Variants in ZNF41 observed in about 807,000 individuals in gnomAD.
The protein encoded by ZNF41 is zinc finger protein 41.
Under a neutral mutation model 9.3 loss-of-function variants are expected in ZNF41, and 6 were observed. The observed-to-expected ratio is 0.65, with a 90% CI of 0.35 to 1.28. The LOEUF is 1.28. ZNF41 is among the 50% of genes most tolerant of loss of function. The pLI is 0.03. For missense variants in ZNF41, 523 were observed against 585.8 expected, an observed-to-expected ratio of 0.89 and a Z score of 1.11; for synonymous variants, 192 against 207.1, an observed-to-expected ratio of 0.93 and a Z score of 0.63.
intron 4 of ZNF41, among the ~76,000 whole-genome samples, chrX:47,452,720 G>A (rs1167622694): frequency 8.9e-6 from 1 of 112,385 alleles, no homozygotes; most frequent in Admixed American, 9.4e-5. Context: ...AGCCACCTGA[G>A]TAACTGGATT....
chrX:47,447,759 C>T lies in ZNF41; in HGVS notation c.2011G>A (p.Ala671Thr), dbSNP rs1330886879. 2 of 1,211,662 alleles carry T rather than the reference C, an allele frequency of 1.7e-6. No individual in the cohort carries two copies. The highest frequency in any genetic ancestry group is 1.8e-5 in the South Asian group (1 of 57,003). Residue 671 changes from alanine to threonine, a missense_variant, in exon 5 of 5, where the codon GCC becomes ACC. Coordinates refer to ENST00000684689, the MANE Select transcript of ZNF41 (RefSeq NM_001324144.2). ...ATGAGATTTGATCGGTCAGTGAAGG[C>T]CTTTCCACATTCAGCACATATATTG... ...KPNICAECGK[A>T]FTDRSNLITH...
chrX:47,473,206 G>A (rs2057244402), intron 1 of ZNF41, among the ~76,000 whole-genome samples: 1 of 111,050 alleles, frequency 9.0e-6, no homozygotes, highest in Non-Finnish European at 1.9e-5. Flanking sequence ...ATGACTTCTT[G>A]AGAGCTAGTA....
chrX:47,461,636 C>T (rs1602907899), intron 2 of ZNF41, among the ~76,000 whole-genome samples: 1 of 110,466 alleles, frequency 9.1e-6, no homozygotes, highest in East Asian at 2.9e-4. Flanking sequence ...TCTAGAATTC[C>T]TGGCCTCAAG....
At position 47,448,202 on chromosome X, in the gene ZNF41, T is replaced by C. The variant is rs1217592875; in HGVS notation, c.1568A>G (p.Tyr523Cys). The C allele has an allele frequency of 8.3e-7, 1 of 1,209,984 alleles. No homozygotes were observed. The highest frequency in any genetic ancestry group is 3.0e-5 in the East Asian group (1 of 33,785). The change falls in exon 5 of 5, where the codon TAT becomes TGT. Residue 523 changes from tyrosine to cysteine, a missense_variant. By Grantham distance (194) the Tyr-to-Cys change is radical. Coordinates refer to ENST00000684689, the MANE Select transcript of ZNF41 (RefSeq NM_001324144.2). ...HQKTHTGEKP[Y>C]MCAECGKAFT... is the part of the protein sequence containing the mutation. ...AGCCTTTCCACATTCAGCACACATA[T>C]AGGGTTTTTCCCCAGTATGAGTTTT...
At chrX:47,474,835 C>T (rs2057289960) in intron 1 of ZNF41, among the ~76,000 whole-genome samples, 2 of 103,780 alleles carry the variant, frequency 1.9e-5, no homozygotes. Flanking sequence ...TGATGATGGC[C>T]CTACTGTACT....
chrX:47,480,260 G>A (rs1404516263), intron 1 of ZNF41, among the ~76,000 whole-genome samples: 1 of 111,366 alleles, frequency 9.0e-6, no homozygotes, highest in African/African-American at 3.3e-5. Context: ...ACAGAGTTCA[G>A]AAATAAAACA....
At chrX:47,466,774 C>T (rs2057003892) in intron 2 of ZNF41, among the ~76,000 whole-genome samples, 1 of 111,276 alleles carries the variant, frequency 9.0e-6, no homozygotes, top group African/African-American at 3.3e-5. Flanking sequence ...CCACCTCGGC[C>T]TCCCAAAGGT....
rs765791637 is a variant in ZNF41, at chrX:47,466,198, CA to C, written c.72+1211del. ...TTTTATTATGAAGTTATAAAATGACCAAAAAAAAAAATTTAAAAGTTTAATA... is the reference window on the plus strand; with the variant it reads ...TTTTATTATGAAGTTATAAAATGACCAAAAAAAAAATTTAAAAGTTTAATA... On this transcript the variant is annotated intron_variant, in intron 2 of 4. Transcript: ENST00000684689. Among the ~76,000 whole-genome samples, 8 of 105,144 alleles carry C rather than the reference CA, an allele frequency of 7.6e-5. No individual in the cohort carries two copies. In the East Asian group the frequency reaches 1.2e-3, roughly 16 times the overall value. The allele number at this position is 105,144 out of a possible 115,157, so 91.3% of individuals were successfully genotyped here.
At position 47,448,475 on chromosome X, in the gene ZNF41, A is replaced by G. The variant is rs1261228594; in HGVS notation, c.1295T>C (p.Ile432Thr). The G allele has an allele frequency of 8.3e-7, 1 of 1,209,428 alleles. No individual in the cohort carries two copies. Among genetic ancestry groups the G allele is most frequent in the Non-Finnish European group, 1.1e-6 (1 of 895,211 alleles). Reference protein sequence around the residue: ...RKSALRMHQRIHTGEKPYVCA... With the variant: ...RKSALRMHQRTHTGEKPYVCA... The stretch of plus-strand genomic sequence containing the variant: ...TACATAAGGTTTCTCTCCCGTGTGG[A>G]TTCTCTGATGCATCCTGAGTGCTGA... Residue 432 changes from isoleucine (I) to threonine (T), a missense_variant, in exon 5 of 5, where the codon ATC becomes ACC. Ile to Thr is a moderately conservative substitution (Grantham distance 89). Transcript: ENST00000684689.
At chrX:47,462,812 C>CA (rs1251903170) in intron 2 of ZNF41, among the ~76,000 whole-genome samples, 1 of 109,241 alleles carries the variant, frequency 9.2e-6, no homozygotes, top group African/African-American at 3.3e-5. Flanking sequence ...GGCTGGAGTG[C>CA]AGTGGCACAA....
intron 1 of ZNF41, among the ~76,000 whole-genome samples, chrX:47,469,310 C>CAAAAAAAAAAAAA (rs749426044): frequency 2.8e-5 from 1 of 35,934 alleles, no homozygotes; most frequent in African/African-American, 1.0e-4. Flanking sequence ...GACTCCGTCT[C>CAAAAAAAAAAAAA]AAAAAAAAAA....
In ZNF41 at chrX:47,456,264, G is replaced by A. The variant is rs746391404; in HGVS notation, c.199+8C>T. 8 of 1,209,100 alleles carry A rather than the reference G, an allele frequency of 6.6e-6. No homozygotes were observed. The highest frequency in any genetic ancestry group is 6.6e-5 in the Admixed American group (3 of 45,581). On this transcript the variant is annotated splice_region_variant and intron_variant, in intron 3 of 4. Transcript: ENST00000684689. ...TCATTAGCAGATGCATAGGGCGGCC[G>A]TGCTTACCCACTGAGAGCAGGTGGC...
At position 47,448,878 on chromosome X, in the gene ZNF41, A is replaced by G. The variant is rs766675597; in HGVS notation, c.892T>C (p.Ser298Pro). 14 of 1,211,052 alleles carry G rather than the reference A, an allele frequency of 1.2e-5. No individual in the cohort carries two copies. In the South Asian group the frequency reaches 1.8e-4, roughly 15 times the overall value. ...TTGTTGCTTTTGTCACATTCACGGG[A>G]CTTTTCTCCAGCATGAATTCTCTGA... ...EHQRIHAGEK[S>P]RECDKSNKVF... The change falls in exon 5 of 5, where the codon TCC (serine) becomes CCC (proline). Residue 298 changes from serine to proline, a missense_variant. Ser to Pro is a moderately conservative substitution (Grantham distance 74). Transcript: ENST00000684689.
intron 2 of ZNF41, among the ~76,000 whole-genome samples, chrX:47,466,401 G>A (rs754139270): frequency 1.2e-4 from 13 of 111,122 alleles, no homozygotes; most frequent in African/African-American, 4.2e-4. Context: ...AGCTCTGAGC[G>A]GGAAACCTGA....
intron 3 of ZNF41, 57 bp from the exon 4 acceptor site, chrX:47,456,073 T>A: frequency 9.1e-7 from 1 of 1,104,282 alleles, no homozygotes; most frequent in African/African-American, 1.8e-5. Flanking sequence ...CAGGGGCCTT[T>A]CAGTGACACT....
chrX:47,447,927 C>T lies in ZNF41; in HGVS notation c.1843G>A (p.Ala615Thr). The T allele has an allele frequency of 8.3e-7, 1 of 1,211,648 alleles. No individual in the cohort carries two copies. The highest frequency in any genetic ancestry group is 1.1e-6 in the Non-Finnish European group (1 of 895,508). Residue 615 changes from alanine (A) to threonine (T), a missense_variant, in exon 5 of 5, where the codon GCC becomes ACC. Ala to Thr is a moderately conservative substitution (Grantham distance 58). Coordinates refer to ENST00000684689, the MANE Select transcript of ZNF41 (RefSeq NM_001324144.2). ...ATGAAGTGCGATTTCTGGATAAAGG[C>T]CTTCCCGCATTCAGGACAAACGTAC... The part of the protein sequence containing the change: ...KPYVCPECGK[A>T]FIQKSHFIAH...
At chrX:47,459,742 T>TAAAAAAAA (rs768291943) in intron 2 of ZNF41, among the ~76,000 whole-genome samples, 21 of 16,042 alleles carry the variant, frequency 1.3e-3, no homozygotes, top group Non-Finnish European at 2.1e-3. Flanking sequence ...AGACCCTATC[T>TAAAAAAAA]AAAAAAAAAA....
At chrX:47,456,818 G>C (rs2056580900) in intron 2 of ZNF41, among the ~76,000 whole-genome samples, 1 of 111,730 alleles carries the variant, frequency 9.0e-6, no homozygotes, top group Admixed American at 9.6e-5. Flanking sequence ...AGTATAGGAG[G>C]TATAAGGTTA....
At chrX:47,455,289 TAA>T (rs35534485) in intron 4 of ZNF41, among the ~76,000 whole-genome samples, 2 of 80,373 alleles carry the variant, frequency 2.5e-5, no homozygotes, top group African/African-American at 4.5e-5. Flanking sequence ...AAATTAAAAT[TAA>T]AAAAAAAAAA....
Sources: gnomAD v4.1 joint callset for allele counts (sites outside exome capture counted in the v4.1 genomes callset) on GRCh38, gnomAD v4.1.1 for gene constraint, MANE v1.5 for transcripts, NCBI Gene and HGNC (gene_info 2026-07-23, HGNC 2026-07-21) for gene names.